Variants in NLGN1 observed in about 807,000 individuals in gnomAD.
The protein encoded by NLGN1 is neuroligin 1.
Under a neutral mutation model 65.5 loss-of-function variants are expected in NLGN1, and 12 were observed. The ratio of observed to expected loss-of-function variants is 0.18; its 90% CI spans 0.12 to 0.30. NLGN1 has a LOEUF of 0.30. NLGN1 is among the 10% of genes least tolerant of loss of function. The pLI, the probability that NLGN1 is intolerant of heterozygous loss-of-function variation, is 1.00. For synonymous variants in NLGN1, 350 were observed against 359.5 expected (o/e 0.97, Z 0.30); for missense variants, 750 against 1,007.1 (o/e 0.74, Z 3.46).
rs3036872 is a variant in NLGN1, at chr3:174,266,032, GTATA to G, written c.647-9271_647-9268del. Among the ~76,000 whole-genome samples the G allele has an allele frequency of 2.3e-4, 30 of 129,764 alleles. No individual in the cohort carries two copies. The South Asian group carries it at 7.2e-3, about 31-fold the overall frequency. The allele number at this position is 129,764 out of a possible 152,430, so 85.1% of individuals were successfully genotyped here. On this transcript the variant is annotated intron_variant, in intron 4 of 6. Coordinates refer to ENST00000457714, the Ensembl canonical transcript of NLGN1. ...TCAGTGCATATATATGTGTGTGTGTGTATATATATATATATTTTTTTTTTCTTTC... is the reference window on the plus strand; with the variant it reads ...TCAGTGCATATATATGTGTGTGTGTGTATATATATATTTTTTTTTTCTTTC...
At chr3:173,481,821 A>G (rs1727344683) in intron 2 of NLGN1, among the ~76,000 whole-genome samples, 1 of 151,972 alleles carries the variant, frequency 6.6e-6, no homozygotes. Context: ...GTGTGACAGT[A>G]TTCAATTCAT....
At chr3:173,566,216 C>T (rs961143875) in intron 2 of NLGN1, among the ~76,000 whole-genome samples, 3 of 152,170 alleles carry the variant, frequency 2.0e-5, no homozygotes, top group Non-Finnish European at 2.9e-5. Flanking sequence ...CTGTACATTT[C>T]ATGCATCATG....
At chr3:173,556,038 T>C (rs925464544) in intron 2 of NLGN1, among the ~76,000 whole-genome samples, 9 of 152,226 alleles carry the variant, frequency 5.9e-5, no homozygotes, top group Admixed American at 2.0e-4. Context: ...ATAAGCTGTG[T>C]ATTAACAGTT....
intron 3 of NLGN1, among the ~76,000 whole-genome samples, chr3:173,790,109 A>G (rs1712344159): frequency 6.6e-6 from 1 of 152,096 alleles, no homozygotes; most frequent in African/African-American, 2.4e-5. Flanking sequence ...CCATGTAATA[A>G]AAGAGCAACA....
intron 4 of NLGN1, among the ~76,000 whole-genome samples, chr3:174,272,668 TA>T (rs1377744081): frequency 2.9e-5 from 3 of 103,874 alleles, no homozygotes; most frequent in Non-Finnish European, 7.2e-5. Flanking sequence ...GATGGATGGA[TA>T]GATAGATAGA....
chr3:173,451,298 G>T (rs1179566125), intron 2 of NLGN1, among the ~76,000 whole-genome samples: 2 of 152,172 alleles, frequency 1.3e-5, no homozygotes, highest in African/African-American at 4.8e-5. Flanking sequence ...CTCAGCTGCA[G>T]GTCAGTTGGA....
At chr3:173,826,028 G>C (rs1721268620) in intron 4 of NLGN1, among the ~76,000 whole-genome samples, 1 of 151,688 alleles carries the variant, frequency 6.6e-6, no homozygotes, top group African/African-American at 2.4e-5. Flanking sequence ...AACAAATGTA[G>C]TTTTTTTTAA....
chr3:173,544,728 A>G (rs1739480826), intron 2 of NLGN1, among the ~76,000 whole-genome samples: 1 of 152,170 alleles, frequency 6.6e-6, no homozygotes, highest in African/African-American at 2.4e-5. Flanking sequence ...TTTTCAGTAC[A>G]TAGGTGGCAA....
intron 4 of NLGN1, among the ~76,000 whole-genome samples, chr3:173,898,002 A>C (rs1736631131): frequency 6.6e-6 from 1 of 152,162 alleles, no homozygotes; most frequent in South Asian, 2.1e-4. Flanking sequence ...GCTTTTCTAG[A>C]TTATACTTGA....
At chr3:173,796,694 C>A (rs1714154783) in intron 3 of NLGN1, among the ~76,000 whole-genome samples, 1 of 152,016 alleles carries the variant, frequency 6.6e-6, no homozygotes, top group African/African-American at 2.4e-5. Context: ...TTAGTGGTCT[C>A]ATTTGCTTTA....
At chr3:173,969,081 T>C (rs1025676698) in intron 4 of NLGN1, among the ~76,000 whole-genome samples, 2 of 152,060 alleles carry the variant, frequency 1.3e-5, no homozygotes, top group African/African-American at 4.8e-5. Context: ...AAAAATTTGT[T>C]ACTGTTAACT....
rs539612635 is a variant in NLGN1 at position 173,943,028 on chromosome 3, C to T, written c.646+135196C>T. Reference sequence around the variant, plus strand: ...TTGCTTGAGACCAGGAGTCTGAGACCCTCCTGAGAAACATGGCAAAACCCC... The same window carrying T: ...TTGCTTGAGACCAGGAGTCTGAGACTCTCCTGAGAAACATGGCAAAACCCC... On this transcript the variant is annotated intron_variant, in intron 4 of 6. Transcript: ENST00000457714. Among the ~76,000 whole-genome samples the T allele has an allele frequency of 2.0e-5, 3 of 151,848 alleles. No homozygotes were observed. In the East Asian group the frequency reaches 5.8e-4, roughly 30 times the overall value.
At position 173,682,016 on chromosome 3, in the gene NLGN1, G is replaced by A. The variant is rs1764008718; in HGVS notation, c.493+76925G>A. On this transcript the variant is annotated intron_variant, in intron 3 of 6. Transcript: ENST00000457714. ...TGAGCTTTATTTAGTAGGAAAATAGGCTGTGAAATGTGTTAGAACTGATTC... is the reference window on the plus strand; with the variant it reads ...TGAGCTTTATTTAGTAGGAAAATAGACTGTGAAATGTGTTAGAACTGATTC... Among the ~76,000 whole-genome samples the A allele has an allele frequency of 2.0e-5, 3 of 152,184 alleles. No individual in the cohort carries two copies. In the South Asian group the frequency reaches 6.2e-4, roughly 32 times the overall value.
At chr3:174,090,042 A>G (rs896265243) in intron 4 of NLGN1, among the ~76,000 whole-genome samples, 1 of 152,220 alleles carries the variant, frequency 6.6e-6, no homozygotes, top group African/African-American at 2.4e-5. Context: ...TATCTTAATG[A>G]AAAGCAAGCC....
intron 2 of NLGN1, among the ~76,000 whole-genome samples, chr3:173,547,552 T>C (rs959753091): frequency 1.3e-5 from 2 of 152,180 alleles, no homozygotes; most frequent in African/African-American, 4.8e-5. Context: ...AGATATGCAG[T>C]CCCAGATCTC....
intron 4 of NLGN1, among the ~76,000 whole-genome samples, chr3:173,980,165 A>G (rs1226746552): frequency 6.6e-6 from 1 of 152,136 alleles, no homozygotes; most frequent in Non-Finnish European, 1.5e-5. Flanking sequence ...TTGAAAAATT[A>G]TTCTAAAGCA....
intron 4 of NLGN1, among the ~76,000 whole-genome samples, chr3:173,816,141 AATTATT>A (rs1459225583): frequency 6.6e-6 from 1 of 151,312 alleles, no homozygotes; most frequent in Non-Finnish European, 1.5e-5. Context: ...CTATAATTAT[AATTATT>A]ATAAGATTAT....
At chr3:173,404,371 CTCA>C (rs1157060422) in intron 1 of NLGN1, among the ~76,000 whole-genome samples, 1 of 152,136 alleles carries the variant, frequency 6.6e-6, no homozygotes, top group Non-Finnish European at 1.5e-5. Context: ...TTCTGAGCAT[CTCA>C]TCATTCCATT....
At chr3:174,098,706 A>G (rs781354543) in intron 4 of NLGN1, among the ~76,000 whole-genome samples, 9 of 152,174 alleles carry the variant, frequency 5.9e-5, no homozygotes, top group Non-Finnish European at 1.3e-4. Context: ...GAGTCACTGC[A>G]TTTCAAACCA....
Sources: gnomAD v4.1 joint callset for allele counts (sites outside exome capture counted in the v4.1 genomes callset) on GRCh38, gnomAD v4.1.1 for gene constraint, MANE v1.5 for transcripts, NCBI Gene and HGNC (gene_info 2026-07-23, HGNC 2026-07-21) for gene names.